SBF2: variants seen among roughly 807,000 people sequenced by gnomAD.
SBF2 encodes SET binding factor 2.
SBF2 carries 112 observed loss-of-function variants against 225.2 expected under a neutral mutation model. The observed-to-expected ratio is 0.50, with a 90% CI of 0.43 to 0.58. SBF2 has a LOEUF of 0.58. Ranked by LOEUF, SBF2 falls within the 20% of genes least tolerant of loss-of-function variation. The pLI, the probability that SBF2 is intolerant of heterozygous loss-of-function variation, is 0.00. For synonymous variants in SBF2, 763 were observed against 773.3 expected, an observed-to-expected ratio of 0.99 and a Z score of 0.22; for missense variants, 1,996 against 2,206.2, an observed-to-expected ratio of 0.90 and a Z score of 1.91.
chr11:10,007,709 C>A (rs542422133), intron 6 of SBF2, among the ~76,000 whole-genome samples: 17 of 152,138 alleles, frequency 1.1e-4, no homozygotes, highest in Non-Finnish European at 2.2e-4. Context: ...TCAAACCCCA[C>A]TGCCCCTTCT....
At chr11:10,272,319 G>T in intron 1 of SBF2, 1 of 801,246 alleles carries the variant, frequency 1.2e-6, no homozygotes, top group Non-Finnish European at 1.9e-6. Flanking sequence ...AGAATGACAA[G>T]TCGTTCACTG....
intron 16 of SBF2, among the ~76,000 whole-genome samples, chr11:9,935,890 G>A (rs979456214): frequency 6.6e-6 from 1 of 152,160 alleles, no homozygotes; most frequent in African/African-American, 2.4e-5. Flanking sequence ...TCAGGACACA[G>A]GCATTGGTAA....
chr11:9,994,063 T>C, intron 9 of SBF2, 65 bp from the exon 10 acceptor site: 1 of 1,060,836 alleles, frequency 9.4e-7, no homozygotes, highest in Admixed American at 1.8e-5. Context: ...ATTGAGACAT[T>C]AAGATGAAAA....
chr11:10,020,989 T>G (rs1383329107), intron 6 of SBF2, among the ~76,000 whole-genome samples: 1 of 151,918 alleles, frequency 6.6e-6, no homozygotes, highest in Non-Finnish European at 1.5e-5. Flanking sequence ...AATAAAAAAC[T>G]GGCCAAAGTT....
At chr11:10,061,187 T>C (rs999086278) in intron 2 of SBF2, among the ~76,000 whole-genome samples, 5 of 152,108 alleles carry the variant, frequency 3.3e-5, no homozygotes, top group African/African-American at 1.2e-4. Flanking sequence ...AAACTACATA[T>C]TGAAGGAACA....
chr11:9,981,892 C>T (rs1946973523), intron 13 of SBF2, among the ~76,000 whole-genome samples: 1 of 152,170 alleles, frequency 6.6e-6, no homozygotes, highest in South Asian at 2.1e-4. Flanking sequence ...ATCACATCTT[C>T]CCTCAACTTT....
intron 17 of SBF2, among the ~76,000 whole-genome samples, chr11:9,892,259 T>C (rs1860888608): frequency 1.3e-5 from 2 of 152,010 alleles, no homozygotes; most frequent in African/African-American, 4.8e-5. Flanking sequence ...GCTGGGACTA[T>C]AGGCACACTC....
chr11:9,787,641 G>T lies in SBF2; in HGVS notation c.5030C>A (p.Thr1677Lys). The change falls in exon 36 of 40, where the codon ACA becomes AAA. Residue 1677 changes from threonine (T) to lysine (K), a missense_variant. Transcript: ENST00000256190. ...GGGGCATTGCCAACTCACGCGATCT[G>T]TTCTTGGTTCTTCTTTAAGGTCCAC... ...VTVDLKEEPR[T>K]DRSQRHLSRS... 1 of 1,613,974 alleles carries T rather than the reference G, an allele frequency of 6.2e-7. No individual in the cohort carries two copies. Among genetic ancestry groups the T allele is most frequent in the East Asian group, 2.2e-5 (1 of 44,880 alleles).
chr11:10,052,692 A>G (rs1223331269), intron 2 of SBF2, among the ~76,000 whole-genome samples: 1 of 152,172 alleles, frequency 6.6e-6, no homozygotes, highest in East Asian at 1.9e-4. Context: ...GTGCTAATAT[A>G]ATAATCTCTC....
At chr11:9,959,005 T>A in intron 16 of SBF2, 1 of 987,450 alleles carries the variant, frequency 1.0e-6, no homozygotes. Context: ...CTCCTCAATG[T>A]ATTTCAGACC....
At chr11:10,007,316 C>A (rs375017077) in intron 6 of SBF2, among the ~76,000 whole-genome samples, 14 of 152,196 alleles carry the variant, frequency 9.2e-5, no homozygotes, top group African/African-American at 3.4e-4. Flanking sequence ...CATCTTCATA[C>A]CACAGAACAC....
At chr11:9,925,951 G>C (rs1044668393) in intron 16 of SBF2, among the ~76,000 whole-genome samples, 3 of 120,378 alleles carry the variant, frequency 2.5e-5, no homozygotes, top group African/African-American at 1.0e-4. Flanking sequence ...ATAAGGTTTG[G>C]AACCAACGTG....
intron 2 of SBF2, among the ~76,000 whole-genome samples, chr11:10,118,095 T>TATTAG (rs1283314014): frequency 6.6e-6 from 1 of 152,190 alleles, no homozygotes; most frequent in East Asian, 1.9e-4. Flanking sequence ...CTGCCTTGAT[T>TATTAG]CATTATTAGA....
At chr11:10,289,135 C>G (rs1188864384) in intron 1 of SBF2, among the ~76,000 whole-genome samples, 2 of 152,184 alleles carry the variant, frequency 1.3e-5, no homozygotes, top group African/African-American at 2.4e-5. Flanking sequence ...TGTACACACC[C>G]GGGGGCGCTG....
intron 7 of SBF2, among the ~76,000 whole-genome samples, chr11:10,001,885 A>C (rs1947977446): frequency 6.6e-6 from 1 of 152,108 alleles, no homozygotes. Flanking sequence ...ATATGAACTA[A>C]TTTCCCAGAT....
intron 16 of SBF2, among the ~76,000 whole-genome samples, chr11:9,915,445 C>CAAAAA (rs60692182): frequency 9.1e-6 from 1 of 109,652 alleles, no homozygotes. Flanking sequence ...GAGTCCGTCT[C>CAAAAA]AAAAAAAAAA....
At chr11:10,029,939 C>T (rs1949195601) in intron 4 of SBF2, 64 bp from the exon 5 acceptor site, 1 of 1,092,390 alleles carries the variant, frequency 9.2e-7, no homozygotes, top group Non-Finnish European at 1.4e-6. Context: ...ATTGTTATGA[C>T]ATCTGCTCTA....
intron 1 of SBF2, among the ~76,000 whole-genome samples, chr11:10,217,318 G>A (rs72861799): frequency 2.0e-5 from 3 of 152,128 alleles, no homozygotes; most frequent in Admixed American, 1.3e-4. Context: ...TTTTGAGGAA[G>A]TAGGACTGAG....
At chr11:10,300,817 T>A (rs534747498) in intron 1 of SBF2, among the ~76,000 whole-genome samples, 1 of 151,736 alleles carries the variant, frequency 6.6e-6, no homozygotes, top group South Asian at 2.1e-4. Context: ...CTCTCTTTTT[T>A]TTTTTTTTTC....
Sources: allele counts gnomAD v4.1 joint callset (sites outside exome capture counted in the v4.1 genomes callset), GRCh38; gene constraint gnomAD v4.1.1; transcripts MANE v1.5; gene names NCBI Gene and HGNC (gene_info 2026-07-23, HGNC 2026-07-21).